The following GRIK4 variants were observed in gnomAD, a reference collection of about 807,000 sequenced individuals.
The protein encoded by GRIK4 is glutamate receptor ionotropic, kainate 4.
A neutral mutation model predicts 104.9 loss-of-function variants in GRIK4; 40 were observed. The observed-to-expected ratio is 0.38, with a 90% CI of 0.30 to 0.50. GRIK4 has a LOEUF of 0.50. Ranked by LOEUF, GRIK4 falls within the 20% of genes least tolerant of loss-of-function variation. GRIK4 has a pLI of 0.93. For missense variants in GRIK4, 1,047 were observed against 1,308.1 expected (o/e 0.80, Z 3.08); for synonymous variants, 485 against 524.9 (o/e 0.92, Z 1.04).
At chr11:120,581,909 C>T (rs1300391349) in intron 1 of GRIK4, among the ~76,000 whole-genome samples, 1 of 151,990 alleles carries the variant, frequency 6.6e-6, no homozygotes, top group East Asian at 1.9e-4. Flanking sequence ...CGGGTTCACG[C>T]CATTCTTCTG....
rs1216942286 is a variant in GRIK4, at chr11:120,865,107, ACTAAATATATCAGGTAGC to A, written c.906+2988_906+3005del. ...TATGCCAGATGCTGGAATAGGCATTACTAAATATATCAGGTAGCTTTTGCTACATAAATACTGTGTAAC... is the reference window on the plus strand; with the variant it reads ...TATGCCAGATGCTGGAATAGGCATTATTTTGCTACATAAATACTGTGTAAC... On this transcript the variant is annotated intron_variant, in intron 9 of 20. Coordinates refer to ENST00000527524, the MANE Select transcript of GRIK4 (RefSeq NM_014619.5). Among the ~76,000 whole-genome samples, 7 of 152,250 alleles carry A rather than the reference ACTAAATATATCAGGTAGC, an allele frequency of 4.6e-5. 1 individual carries two copies. Among genetic ancestry groups the A allele is most frequent in the East Asian group, 3.9e-4 (2 of 5,192 alleles).
At chr11:120,519,283 C>T (rs893270335) in intron 1 of GRIK4, among the ~76,000 whole-genome samples, 4 of 152,196 alleles carry the variant, frequency 2.6e-5, no homozygotes, top group African/African-American at 9.7e-5. Context: ...TGTTGGTGTT[C>T]CCCCAGAATT....
intron 8 of GRIK4, among the ~76,000 whole-genome samples, chr11:120,845,379 A>G (rs1197243155): frequency 6.6e-6 from 1 of 152,108 alleles, no homozygotes; most frequent in East Asian, 1.9e-4. Flanking sequence ...AGACGATGGG[A>G]AGTTTCTAAT....
chr11:120,637,992 G>C (rs1949420891), intron 1 of GRIK4, among the ~76,000 whole-genome samples: 1 of 152,018 alleles, frequency 6.6e-6, no homozygotes, highest in African/African-American at 2.4e-5. Flanking sequence ...TGATTCTCCT[G>C]TCTCAGCCTC....
At chr11:120,660,947 G>T (rs11217941) in intron 3 of GRIK4, among the ~76,000 whole-genome samples, 71,986 of 151,944 alleles carry the variant, frequency 0.47, 18,277 homozygotes, top group East Asian at 0.7. Flanking sequence ...TGTTGCTGTG[G>T]GACGCCCACT....
intron 11 of GRIK4, among the ~76,000 whole-genome samples, chr11:120,886,633 C>T (rs1012410707): frequency 6.6e-6 from 1 of 152,176 alleles, no homozygotes; most frequent in Non-Finnish European, 1.5e-5. Flanking sequence ...TTCCCTAATT[C>T]AGTGTTTGTG....
intron 3 of GRIK4, among the ~76,000 whole-genome samples, chr11:120,701,660 G>A (rs1950553195): frequency 6.6e-6 from 1 of 152,132 alleles, no homozygotes; most frequent in African/African-American, 2.4e-5. Flanking sequence ...GCGTCATATG[G>A]TAGTTCTATT....
chr11:120,973,449 G>A (rs1327482036), intron 19 of GRIK4, among the ~76,000 whole-genome samples: 6 of 152,210 alleles, frequency 3.9e-5, no homozygotes, highest in African/African-American at 1.4e-4. Context: ...TCCTGTCCAG[G>A]TCCCAAATGC....
intron 3 of GRIK4, among the ~76,000 whole-genome samples, chr11:120,781,078 A>G (rs1952147347): frequency 6.7e-6 from 1 of 150,154 alleles, no homozygotes; most frequent in Non-Finnish European, 1.5e-5. Context: ...ACCATTTTAC[A>G]TTCCCACCAG....
intron 3 of GRIK4, among the ~76,000 whole-genome samples, chr11:120,759,206 A>C (rs1015225091): frequency 6.6e-6 from 1 of 152,208 alleles, no homozygotes; most frequent in Non-Finnish European, 1.5e-5. Flanking sequence ...CAGAGGGAAC[A>C]GTATGTGCAA....
At chr11:120,883,507 TCCACCCCAGGGACAAC>T (rs1955027447) in intron 11 of GRIK4, among the ~76,000 whole-genome samples, 1 of 152,200 alleles carries the variant, frequency 6.6e-6, no homozygotes, top group African/African-American at 2.4e-5. Context: ...GGCTCTCCTG[TCCACCCCAGGGACAAC>T]GGTCAAGGGG....
intron 3 of GRIK4, among the ~76,000 whole-genome samples, chr11:120,684,625 G>T (rs1950246968): frequency 1.3e-5 from 2 of 152,192 alleles, no homozygotes; most frequent in African/African-American, 4.8e-5. Flanking sequence ...AGGTGCAGGA[G>T]AATTCACCCT....
At chr11:120,717,706 A>G (rs1291559920) in intron 3 of GRIK4, among the ~76,000 whole-genome samples, 2 of 152,142 alleles carry the variant, frequency 1.3e-5, no homozygotes, top group African/African-American at 2.4e-5. Context: ...ACTACATGGG[A>G]TGAAGAAAGA....
rs149246932 is a variant in GRIK4, at chr11:120,761,109, G to C, written c.83-41584G>C. ...TTTCTCCACATCCTCTCCAGCATCTGTTGTTTCCTGACTTTTTAATGATCG... is the reference window on the plus strand; with the variant it reads ...TTTCTCCACATCCTCTCCAGCATCTCTTGTTTCCTGACTTTTTAATGATCG... On this transcript the variant is annotated intron_variant, in intron 3 of 20. Coordinates refer to ENST00000527524, the MANE Select transcript of GRIK4 (RefSeq NM_014619.5). Among the ~76,000 whole-genome samples, 674 of 152,234 alleles carry C rather than the reference G, an allele frequency of 4.4e-3. 6 individuals are homozygous for C. The highest frequency in any genetic ancestry group is 0.016 in the African/African-American group (656 of 41,544).
intron 9 of GRIK4, among the ~76,000 whole-genome samples, chr11:120,865,029 A>G (rs1446324220): frequency 1.3e-5 from 2 of 152,276 alleles, no homozygotes; most frequent in African/African-American, 4.8e-5. Context: ...GGAATCAGAT[A>G]CGATTCTATT....
intron 1 of GRIK4, among the ~76,000 whole-genome samples, chr11:120,534,994 G>A (rs1947958400): frequency 6.6e-6 from 1 of 152,202 alleles, no homozygotes; most frequent in Non-Finnish European, 1.5e-5. Flanking sequence ...GTTGCCCTAG[G>A]AGAGTTTACT....
chr11:120,984,117 AC>A (rs1341146929), intron 20 of GRIK4, among the ~76,000 whole-genome samples: 2 of 152,124 alleles, frequency 1.3e-5, no homozygotes, highest in African/African-American at 4.8e-5. Flanking sequence ...CCCAAAGCTC[AC>A]CCATGGTCTG....
intron 3 of GRIK4, among the ~76,000 whole-genome samples, chr11:120,737,466 C>T (rs531347120): frequency 6.6e-6 from 1 of 152,268 alleles, no homozygotes; most frequent in African/African-American, 2.4e-5. Flanking sequence ...CAGAATCCAG[C>T]TGTCAATTTC....
intron 1 of GRIK4, among the ~76,000 whole-genome samples, chr11:120,628,836 A>C (rs1196434551): frequency 6.6e-6 from 1 of 152,146 alleles, no homozygotes; most frequent in Non-Finnish European, 1.5e-5. Flanking sequence ...ATGTGAAGTA[A>C]AGAGGGTTTC....
Sources: allele counts gnomAD v4.1 joint callset (sites outside exome capture counted in the v4.1 genomes callset), GRCh38; gene constraint gnomAD v4.1.1; transcripts MANE v1.5; gene names NCBI Gene and HGNC (gene_info 2026-07-23, HGNC 2026-07-21).